The following TMEM163 variants were observed in gnomAD, a reference collection of about 807,000 sequenced individuals.
TMEM163 encodes transmembrane protein 163.
TMEM163 carries 17 observed loss-of-function variants against 29.3 expected under a neutral mutation model. The observed-to-expected ratio is 0.58, with a 90% CI of 0.40 to 0.87. The LOEUF is 0.87. Among genes scored for constraint, TMEM163 ranks in the 40% least tolerant of loss-of-function variants. The pLI is 0.00. For synonymous variants in TMEM163, 157 were observed against 160.6 expected, an observed-to-expected ratio of 0.98 and a Z score of 0.17; for missense variants, 303 against 381.5, an observed-to-expected ratio of 0.79 and a Z score of 1.71.
intron 5 of TMEM163, among the ~76,000 whole-genome samples, chr2:134,484,228 G>GA (rs924032009): frequency 1.7e-3 from 254 of 149,700 alleles, no homozygotes; most frequent in African/African-American, 5.9e-3. Flanking sequence ...ACGCGTGGAG[G>GA]AAAAAAAAAC....
At chr2:134,718,156 G>A (rs1685076285) in intron 1 of TMEM163, among the ~76,000 whole-genome samples, 1 of 152,224 alleles carries the variant, frequency 6.6e-6, no homozygotes, top group South Asian at 2.1e-4. Context: ...ACTGTGACCC[G>A]CGTCCGCGAT....
intron 2 of TMEM163, among the ~76,000 whole-genome samples, chr2:134,682,588 G>A (rs990040404): frequency 3.3e-5 from 5 of 152,128 alleles, no homozygotes; most frequent in South Asian, 4.1e-4. Context: ...TTAAAACAAC[G>A]AGCTACCATA....
chr2:134,685,283 C>T (rs1330303659), intron 2 of TMEM163, among the ~76,000 whole-genome samples: 1 of 152,214 alleles, frequency 6.6e-6, no homozygotes, highest in African/African-American at 2.4e-5. Context: ...CCACTATAAA[C>T]CCACCACTCA....
chr2:134,623,630 G>C (rs1329077734), intron 2 of TMEM163, among the ~76,000 whole-genome samples: 1 of 152,124 alleles, frequency 6.6e-6, no homozygotes, highest in African/African-American at 2.4e-5. Flanking sequence ...AGCCTGGCAT[G>C]ATGGCAGGTG....
intron 2 of TMEM163, among the ~76,000 whole-genome samples, chr2:134,625,897 C>A (rs542260338): frequency 6.6e-5 from 10 of 152,256 alleles, no homozygotes; most frequent in Non-Finnish European, 1.3e-4. Flanking sequence ...CCGCTTACAG[C>A]GTGTAAGCTA....
At chr2:134,695,843 G>C (rs953693598) in intron 2 of TMEM163, among the ~76,000 whole-genome samples, 2 of 152,128 alleles carry the variant, frequency 1.3e-5, no homozygotes, top group African/African-American at 2.4e-5. Context: ...CTGAGGTCAG[G>C]AGTTCCAGAC....
chr2:134,698,072 C>T (rs1431920388), intron 2 of TMEM163, among the ~76,000 whole-genome samples: 1 of 152,194 alleles, frequency 6.6e-6, no homozygotes, highest in East Asian at 1.9e-4. Context: ...GCACCACTGA[C>T]ATTTTGAGCC....
intron 2 of TMEM163, among the ~76,000 whole-genome samples, chr2:134,658,345 T>C (rs1431458017): frequency 4.6e-5 from 7 of 152,176 alleles, no homozygotes; most frequent in African/African-American, 9.7e-5. Context: ...AAAAGCGACA[T>C]GAAAGGCCTT....
chr2:134,484,957 A>G (rs896855154), intron 5 of TMEM163, among the ~76,000 whole-genome samples: 1 of 152,222 alleles, frequency 6.6e-6, no homozygotes, highest in Non-Finnish European at 1.5e-5. Context: ...ACAAATGGCT[A>G]TTCAAATTAT....
At chr2:134,540,959 C>T (rs566900681) in intron 4 of TMEM163, among the ~76,000 whole-genome samples, 3 of 152,310 alleles carry the variant, frequency 2.0e-5, no homozygotes, top group South Asian at 2.1e-4. Context: ...ACTGTTGCCT[C>T]GGTGAGCTTA....
intron 2 of TMEM163, among the ~76,000 whole-genome samples, chr2:134,594,608 C>A (rs568417603): frequency 6.6e-6 from 1 of 152,188 alleles, no homozygotes; most frequent in African/African-American, 2.4e-5. Flanking sequence ...GCCCAGGATG[C>A]GGCAGAACTG....
chr2:134,641,875 C>A (rs1187070402), intron 2 of TMEM163, among the ~76,000 whole-genome samples: 1 of 151,820 alleles, frequency 6.6e-6, no homozygotes, highest in Non-Finnish European at 1.5e-5. Context: ...AGGTTAAAAG[C>A]CAAATGTAAA....
chr2:134,649,047 C>T (rs1683404522), intron 2 of TMEM163, among the ~76,000 whole-genome samples: 1 of 152,144 alleles, frequency 6.6e-6, no homozygotes, highest in African/African-American at 2.4e-5. Context: ...AGACATAATT[C>T]TCAGACCTGC....
intron 2 of TMEM163, among the ~76,000 whole-genome samples, chr2:134,697,890 T>C (rs559462979): frequency 6.6e-6 from 1 of 152,354 alleles, no homozygotes; most frequent in East Asian, 1.9e-4. Flanking sequence ...ATAAATTCTC[T>C]GTTGCCTTTG....
At chr2:134,556,296 A>G (rs1681048021) in intron 2 of TMEM163, among the ~76,000 whole-genome samples, 1 of 152,264 alleles carries the variant, frequency 6.6e-6, no homozygotes, top group African/African-American at 2.4e-5. Flanking sequence ...TATCACTTCC[A>G]GCCACATGAG....
chr2:134,502,872 G>A, intron 5 of TMEM163, 29 bp downstream of exon 5: 5 of 1,605,936 alleles, frequency 3.1e-6, no homozygotes, highest in Non-Finnish European at 3.4e-6. Flanking sequence ...CTGGCAGGAA[G>A]GATTGTTAAG....
At chr2:134,561,304 C>A (rs770980509) in intron 2 of TMEM163, among the ~76,000 whole-genome samples, 3 of 152,190 alleles carry the variant, frequency 2.0e-5, no homozygotes, top group African/African-American at 4.8e-5. Flanking sequence ...TCTGGGTTCA[C>A]GCCATTCTCC....
intron 2 of TMEM163, among the ~76,000 whole-genome samples, chr2:134,599,843 A>T (rs1411604899): frequency 6.6e-6 from 1 of 151,926 alleles, no homozygotes; most frequent in African/African-American, 2.4e-5. Flanking sequence ...ATCCTATTCT[A>T]CTTTTTCATT....
intron 2 of TMEM163, among the ~76,000 whole-genome samples, chr2:134,711,944 A>G (rs6747587): frequency 0.21 from 31,734 of 152,032 alleles, 3,757 homozygotes; most frequent in Middle Eastern, 0.39. Flanking sequence ...AAAGTCCTCC[A>G]CCAGCCACCA....
Sources: gnomAD v4.1 joint callset for allele counts (sites outside exome capture counted in the v4.1 genomes callset) on GRCh38, gnomAD v4.1.1 for gene constraint, MANE v1.5 for transcripts, NCBI Gene and HGNC (gene_info 2026-07-23, HGNC 2026-07-21) for gene names.